The following DCLK1 variants were observed in gnomAD, a reference collection of about 807,000 sequenced individuals.
DCLK1 encodes the protein doublecortin like kinase 1.
DCLK1 carries 16 observed loss-of-function variants against 86.2 expected under a neutral mutation model. The ratio of observed to expected loss-of-function variants is 0.19; its 90% CI spans 0.13 to 0.28. The LOEUF is 0.28. DCLK1 is among the 10% of genes least tolerant of loss of function. DCLK1 has a pLI of 1.00. For synonymous variants in DCLK1, 369 were observed against 370.5 expected (o/e 1.00, Z 0.05); for missense variants, 590 against 940.2 (o/e 0.63, Z 4.87).
intron 10 of DCLK1, among the ~76,000 whole-genome samples, chr13:35,825,240 C>T (rs1488855800): frequency 1.3e-5 from 2 of 152,152 alleles, no homozygotes; most frequent in African/African-American, 4.8e-5. Context: ...TGGAAAAGTC[C>T]TGGGAGTCTT....
intron 4 of DCLK1, among the ~76,000 whole-genome samples, chr13:35,875,219 C>T (rs999282335): frequency 3.9e-5 from 6 of 152,126 alleles, no homozygotes; most frequent in Non-Finnish European, 8.8e-5. Context: ...GGCAGATGAC[C>T]AGAACTTTTT....
chr13:36,111,957 G>C lies in DCLK1; in HGVS notation c.635C>G (p.Ser212Cys). The C allele has an allele frequency of 1.2e-6, 2 of 1,614,226 alleles. No individual in the cohort carries two copies. The highest frequency in any genetic ancestry group is 2.2e-5 in the East Asian group (1 of 44,878). Residue 212 changes from serine (S) to cysteine (C), a missense_variant, in exon 3 of 17, where the codon TCC becomes TGC. By Grantham distance (112) the Ser-to-Cys change is moderately radical (BLOSUM62 -1). Coordinates refer to ENST00000360631, the MANE Select transcript of DCLK1 (RefSeq NM_001330071.2). ...GATATCGGTGAGGACCTGCTCAAAG[G>C]AATGAGCCGTTTTCTTGTTCAGCAG... ...RILLNKKTAH[S>C]FEQVLTDITD...
At chr13:35,848,230 A>C in intron 6 of DCLK1, 1 of 985,194 alleles carries the variant, frequency 1.0e-6, no homozygotes, top group Non-Finnish European at 1.2e-6. Flanking sequence ...TTTTATAAAG[A>C]ATTCTATAAG....
chr13:35,958,604 G>T (rs578072719), intron 3 of DCLK1, among the ~76,000 whole-genome samples: 12 of 152,268 alleles, frequency 7.9e-5, no homozygotes, highest in Admixed American at 6.5e-4. Flanking sequence ...ATCTCCATAA[G>T]GGGAGCCCTT....
intron 3 of DCLK1, among the ~76,000 whole-genome samples, chr13:36,100,144 G>T (rs1343823621): frequency 1.5e-5 from 2 of 131,142 alleles, no homozygotes; most frequent in African/African-American, 5.8e-5. Flanking sequence ...GGTGTTCGAG[G>T]CCAGCCTGGA....
rs1175309691 is a variant in DCLK1 at position 35,769,824 on chromosome 13, G to T, written c.*4711C>A. On this transcript the variant is annotated 3_prime_UTR_variant, in exon 17 of 17. Transcript: ENST00000360631. The stretch of plus-strand genomic sequence containing the variant: ...GAAACAAATGCTGAAGAAATTTACA[G>T]GTATGATTTAATTTTAGAGAGTGTT... The T allele has an allele frequency of 6.6e-6, 1 of 152,120 alleles. No homozygotes were observed. The highest frequency in any genetic ancestry group is 2.4e-5 in the African/African-American group (1 of 41,420). The allele number at this position is 152,120 out of a possible 1,614,324, so 9.4% of individuals were successfully genotyped here.
chr13:35,890,626 C>T (rs553423728), intron 4 of DCLK1, among the ~76,000 whole-genome samples: 10 of 152,200 alleles, frequency 6.6e-5, no homozygotes, highest in Admixed American at 4.6e-4. Flanking sequence ...GGCAGACTGA[C>T]GTGTCTTTAA....
intron 10 of DCLK1, among the ~76,000 whole-genome samples, chr13:35,826,539 AAAAGAAAG>A (rs1555342383): frequency 4.4e-5 from 2 of 45,248 alleles, no homozygotes; most frequent in Non-Finnish European, 1.1e-4. Flanking sequence ...AAAAAAAAAA[AAAAGAAAG>A]AAAGAAAGAA....
intron 4 of DCLK1, among the ~76,000 whole-genome samples, chr13:35,903,743 A>T (rs1460517312): frequency 6.6e-6 from 1 of 152,194 alleles, no homozygotes; most frequent in Non-Finnish European, 1.5e-5. Flanking sequence ...AAATAAAAAA[A>T]AAATTCAAAT....
chr13:35,908,437 T>C (rs1020854260), intron 4 of DCLK1, among the ~76,000 whole-genome samples: 6 of 152,228 alleles, frequency 3.9e-5, no homozygotes, highest in Non-Finnish European at 8.8e-5. Flanking sequence ...AACTAGTTGA[T>C]GATAGAGGCT....
chr13:35,828,119 G>C, intron 9 of DCLK1, 131 bp downstream of exon 9: 1 of 698,382 alleles, frequency 1.4e-6, no homozygotes, highest in East Asian at 2.6e-5. Context: ...TTATATTCTA[G>C]TAAGTGTATA....
At chr13:36,112,739 C>A (rs1392607972) in intron 2 of DCLK1, among the ~76,000 whole-genome samples, 1 of 152,100 alleles carries the variant, frequency 6.6e-6, no homozygotes, top group African/African-American at 2.4e-5. Context: ...AAATAATCAC[C>A]CTTCCTTTCT....
intron 15 of DCLK1, among the ~76,000 whole-genome samples, chr13:35,798,261 T>C (rs749581600): frequency 5.9e-5 from 9 of 152,184 alleles, no homozygotes; most frequent in Non-Finnish European, 8.8e-5. Flanking sequence ...CACTCTGTAG[T>C]GTAGAATTCC....
intron 3 of DCLK1, among the ~76,000 whole-genome samples, chr13:35,962,759 T>A (rs1348874412): frequency 6.6e-6 from 1 of 152,232 alleles, no homozygotes; most frequent in Non-Finnish European, 1.5e-5. Context: ...AACATACATA[T>A]GTTCTGCCAA....
chr13:36,053,775 A>G (rs983507636), intron 3 of DCLK1, among the ~76,000 whole-genome samples: 5 of 152,114 alleles, frequency 3.3e-5, no homozygotes, highest in Admixed American at 6.6e-5. Flanking sequence ...TCTAAGCACA[A>G]ACATTAAGGA....
intron 4 of DCLK1, among the ~76,000 whole-genome samples, chr13:35,942,747 G>A (rs1402405810): frequency 1.3e-5 from 2 of 152,040 alleles, no homozygotes; most frequent in African/African-American, 4.8e-5. Context: ...ACTTCAAGAG[G>A]GGCTCTGTCA....
chr13:35,949,977 C>G (rs1877578242), intron 3 of DCLK1, among the ~76,000 whole-genome samples: 1 of 152,160 alleles, frequency 6.6e-6, no homozygotes, highest in African/African-American at 2.4e-5. Context: ...GGGCAAGTCA[C>G]CTCAGTGCCA....
rs182147645 is a variant in DCLK1 at position 35,901,639 on chromosome 13, G to A, written c.824-30299C>T. On this transcript the variant is annotated intron_variant, in intron 4 of 16. Transcript: ENST00000360631. ...GGGATTCTCCTGGCACTCCCTTTGC[G>A]TGTTCTCTTACAGGCCTCCTCTCTT... Among the ~76,000 whole-genome samples the A allele has an allele frequency of 3.4e-3, 510 of 151,952 alleles. 1 individual carries two copies. Among genetic ancestry groups the A allele is most frequent in the African/African-American group, 0.011 (476 of 41,488 alleles).
In DCLK1 at chr13:35,801,390, T is replaced by C. The variant is rs118057042; in HGVS notation, c.1944+4309A>G. Among the ~76,000 whole-genome samples the C allele has an allele frequency of 5.3e-4, 80 of 152,346 alleles. 1 individual carries two copies. In the East Asian group the frequency reaches 0.011, roughly 21 times the overall value. On this transcript the variant is annotated intron_variant, in intron 15 of 16. Coordinates refer to ENST00000360631, the MANE Select transcript of DCLK1 (RefSeq NM_001330071.2). ...AAAATCCGTTTTCTGATTTAGTTAC[T>C]TCATAAAGATAATTTCAAAAGTTAA... is the stretch of plus-strand genomic sequence containing the variant.
Sources: gnomAD v4.1 joint callset for allele counts (sites outside exome capture counted in the v4.1 genomes callset) on GRCh38, gnomAD v4.1.1 for gene constraint, MANE v1.5 for transcripts, NCBI Gene and HGNC (gene_info 2026-07-23, HGNC 2026-07-21) for gene names.